The following KCNH1 variants were observed in gnomAD, a reference collection of about 807,000 sequenced individuals.
The protein encoded by KCNH1 is potassium voltage-gated channel subfamily H member 1, also known as voltage-gated delayed rectifier potassium channel KCNH1.
In KCNH1, 27 loss-of-function variants were observed where a neutral mutation model predicts 69.2. The ratio of observed to expected loss-of-function variants is 0.39; its 90% confidence interval spans 0.29 to 0.54. The LOEUF is 0.54. KCNH1 is among the 20% of genes least tolerant of loss of function. KCNH1 has a pLI of 0.68. For synonymous variants in KCNH1, 456 were observed against 487.7 expected (o/e 0.93, Z 0.86); for missense variants, 798 against 1,261.6 (o/e 0.63, Z 5.57).
Position 211,074,109 on chromosome 1 carries a change from A to AAC in KCNH1, c.558+8670_558+8671insGT, listed in dbSNP as rs1203712172. The stretch of plus-strand genomic sequence containing the variant: ...TCATTCCACCAATTAAAAAAAAAAA[A>AAC]AAAAAAAACCTTAATACTGAGTAAC... On this transcript the variant is annotated intron_variant, in intron 5 of 10. Transcript: ENST00000271751. Among the ~76,000 whole-genome samples the AAC allele has an allele frequency of 3.3e-5, 5 of 151,030 alleles. No individual in the cohort carries two copies. In the East Asian group the frequency reaches 9.7e-4, roughly 29 times the overall value.
intron 6 of KCNH1, among the ~76,000 whole-genome samples, chr1:210,945,227 C>T (rs1052848226): frequency 1.3e-5 from 2 of 152,158 alleles, no homozygotes. Flanking sequence ...CATTGGTGCA[C>T]AAATATCTAT....
intron 5 of KCNH1, among the ~76,000 whole-genome samples, chr1:211,029,185 A>T (rs1689737223): frequency 6.9e-6 from 1 of 144,288 alleles, no homozygotes; most frequent in Non-Finnish European, 1.5e-5. Flanking sequence ...AAAAAAAAAA[A>T]GGTCAGGGGT....
chr1:210,899,247 G>C (rs1011826996), intron 7 of KCNH1, among the ~76,000 whole-genome samples: 1 of 152,090 alleles, frequency 6.6e-6, no homozygotes, highest in African/African-American at 2.4e-5. Flanking sequence ...CACATAGTAT[G>C]TAATATTGCA....
intron 10 of KCNH1, among the ~76,000 whole-genome samples, chr1:210,714,546 C>G (rs1682173442): frequency 6.6e-6 from 1 of 152,114 alleles, no homozygotes; most frequent in Non-Finnish European, 1.5e-5. Context: ...CTTGTGACAT[C>G]CACACAAGGG....
intron 7 of KCNH1, among the ~76,000 whole-genome samples, chr1:210,889,667 G>A (rs1686702983): frequency 6.6e-6 from 1 of 152,168 alleles, no homozygotes; most frequent in African/African-American, 2.4e-5. Flanking sequence ...CATCATCTCA[G>A]CCCAAAATCT....
At chr1:210,785,779 C>A (rs935923397) in intron 9 of KCNH1, among the ~76,000 whole-genome samples, 4 of 152,026 alleles carry the variant, frequency 2.6e-5, no homozygotes, top group Non-Finnish European at 5.9e-5. Context: ...CATGTGTAGA[C>A]CAGCCCTTTG....
intron 6 of KCNH1, among the ~76,000 whole-genome samples, chr1:210,922,177 C>G (rs1017644241): frequency 6.6e-6 from 1 of 151,676 alleles, no homozygotes; most frequent in East Asian, 2.0e-4. Flanking sequence ...GTAAGGAGAT[C>G]GAGACCATCC....
chr1:210,734,165 A>G (rs1682813652), intron 10 of KCNH1, among the ~76,000 whole-genome samples: 1 of 152,192 alleles, frequency 6.6e-6, no homozygotes. Context: ...TTGAATTCCA[A>G]ATGATTAAAG....
In KCNH1 at chr1:211,090,648, T is replaced by G; in HGVS notation, c.353A>C (p.Asn118Thr). ...WFFVKIAPIR[N>T]EQDKVVLFLC... ...AAATAAAACCACTTTATCCTGTTCG[T>G]TTCGAATTGGAGCAATTTTCACAAA... Residue 118 changes from asparagine (N) to threonine (T), a missense_variant, in exon 4 of 11, where the codon AAC (asparagine) becomes ACC (threonine). Around this residue, in one of 4 missense-constraint regions of KCNH1, gnomAD observed 266 missense variants for 457.2 expected, o/e 0.58. Coordinates refer to ENST00000271751, the MANE Select transcript of KCNH1 (RefSeq NM_172362.3). The G allele has an allele frequency of 6.2e-7, 1 of 1,607,522 alleles. No homozygotes were observed. The highest frequency in any genetic ancestry group is 1.7e-5 in the Admixed American group (1 of 57,760).
intron 6 of KCNH1, among the ~76,000 whole-genome samples, chr1:210,952,806 C>A (rs372411945): frequency 1.3e-5 from 2 of 152,290 alleles, no homozygotes; most frequent in African/African-American, 4.8e-5. Context: ...AACTTCACAA[C>A]CCTTGGAATA....
chr1:211,090,783 T>G (rs1389845051), intron 3 of KCNH1, 93 bp from the exon 4 acceptor site: 41 of 1,153,072 alleles, frequency 3.6e-5, no homozygotes, highest in Non-Finnish European at 4.9e-5. Context: ...GTACAAATAT[T>G]AATTCATTTT....
chr1:211,112,122 TCACCGTCTGGGAAGTTGGAGCGCCTCTGC>T (rs1691479924), intron 1 of KCNH1, among the ~76,000 whole-genome samples: 1 of 129,704 alleles, frequency 7.7e-6, no homozygotes, highest in Admixed American at 7.5e-5. Flanking sequence ...CCCAGCCACC[TCACCGTCTGGGAAGTTGGAGCGCCTCTGC>T]CCCGCCACTG....
chr1:211,078,917 C>CAAAAAAAA (rs769981174), intron 5 of KCNH1, among the ~76,000 whole-genome samples: 68 of 82,822 alleles, frequency 8.2e-4, no homozygotes, highest in Non-Finnish European at 1.1e-3. Context: ...GACTCCGTCT[C>CAAAAAAAA]AAAAAAAAAA....
rs1320441580 is a variant in KCNH1, at chr1:210,895,176, A to G, written c.1462+24464T>C. Among the ~76,000 whole-genome samples the G allele has an allele frequency of 2.1e-5, 3 of 144,020 alleles. No homozygotes were observed. The East Asian group carries it at 6.3e-4, about 30-fold the overall frequency. The allele number at this position is 144,020 out of a possible 152,430, so 94.5% of individuals were successfully genotyped here. On this transcript the variant is annotated intron_variant, in intron 7 of 10. Transcript: ENST00000271751. ...ACTTTTGTTTCCTTTTTTTTTTTTC[A>G]GGCAAGAGGGTAAATCTGGTCTTTG...
rs192438517 is a variant in KCNH1, at chr1:210,719,601, G to T, written c.2113-35463C>A. On this transcript the variant is annotated intron_variant, in intron 10 of 10. Transcript: ENST00000271751. Reference sequence around the variant, plus strand: ...AGGACAAATACCTAATGCATGCAGGGCTTAAAACCTAGAAGACAGGTTGAT... The same window carrying T: ...AGGACAAATACCTAATGCATGCAGGTCTTAAAACCTAGAAGACAGGTTGAT... Among the ~76,000 whole-genome samples, 223 of 152,050 alleles carry T rather than the reference G, an allele frequency of 1.5e-3. 1 individual carries two copies. The highest frequency in any genetic ancestry group is 5.2e-3 in the African/African-American group (217 of 41,480).
At chr1:211,037,092 C>T (rs139272733) in intron 5 of KCNH1, among the ~76,000 whole-genome samples, 1 of 152,318 alleles carries the variant, frequency 6.6e-6, no homozygotes, top group African/African-American at 2.4e-5. Flanking sequence ...TCACATTTCT[C>T]TAGCATTTTT....
intron 6 of KCNH1, among the ~76,000 whole-genome samples, chr1:210,997,609 C>A (rs963187387): frequency 2.0e-5 from 3 of 152,146 alleles, no homozygotes; most frequent in African/African-American, 7.2e-5. Context: ...TCCAGGAGAA[C>A]TTCCCCAATT....
At chr1:211,101,303 G>A (rs536729252) in intron 3 of KCNH1, among the ~76,000 whole-genome samples, 1 of 141,826 alleles carries the variant, frequency 7.1e-6, no homozygotes, top group East Asian at 2.0e-4. Context: ...CTATTGGAAA[G>A]ACAAAAAAAC....
chr1:210,733,431 C>T (rs1407819285), intron 10 of KCNH1, among the ~76,000 whole-genome samples: 1 of 152,212 alleles, frequency 6.6e-6, no homozygotes, highest in Non-Finnish European at 1.5e-5. Flanking sequence ...GAACCCCCTT[C>T]ATCTTCAATT....
Sources: gnomAD v4.1 joint callset for allele counts (sites outside exome capture counted in the v4.1 genomes callset) on GRCh38, gnomAD v4.1.1 for gene constraint, gnomAD v4.1.1 regional missense constraint, MANE v1.5 for transcripts, NCBI Gene and HGNC (gene_info 2026-07-23, HGNC 2026-07-21) for gene names.